The following TRA2A variants were observed in gnomAD, a reference collection of about 807,000 sequenced individuals.
TRA2A encodes transformer 2 alpha homolog, also known as transformer-2 protein homolog alpha.
In TRA2A, 31 loss-of-function variants were observed where a neutral mutation model predicts 45.7. That is an observed-to-expected ratio of 0.68 (90% CI 0.51 to 0.92). The LOEUF (loss-of-function observed/expected upper bound fraction) is 0.92. Among genes scored for constraint, TRA2A ranks in the 40% least tolerant of loss-of-function variants. The probability of loss-of-function intolerance (pLI) is 0.00; values close to 1 mark genes in which losing one functional copy is unlikely to be tolerated. For synonymous variants in TRA2A, 132 were observed against 126.2 expected (o/e 1.05, Z -0.31); for missense variants, 304 against 367.5 (o/e 0.83, Z 1.41).
chr7:23,527,003 A>G (rs935678102), intron 1 of TRA2A, among the ~76,000 whole-genome samples: 1 of 152,302 alleles, frequency 6.6e-6, no homozygotes, highest in Middle Eastern at 3.4e-3. Flanking sequence ...AACGTGGTTC[A>G]TAAGTCTCAT....
intron 1 of TRA2A, among the ~76,000 whole-genome samples, chr7:23,530,350 T>C (rs185632872): frequency 1.1e-4 from 17 of 152,360 alleles, no homozygotes; most frequent in African/African-American, 3.6e-4. Flanking sequence ...GTAACTATTA[T>C]AGTCTATTGC....
At chr7:23,522,556 T>TAAA (rs35027244) in intron 1 of TRA2A, 3 of 134,492 alleles carry the variant, frequency 2.2e-5, no homozygotes, top group East Asian at 2.2e-4. Flanking sequence ...CTAGTTTATT[T>TAAA]AAAAAAAAAA....
chr7:23,513,410 G>A (rs547329370), intron 3 of TRA2A, among the ~76,000 whole-genome samples: 10 of 152,220 alleles, frequency 6.6e-5, no homozygotes, highest in Non-Finnish European at 1.2e-4. Context: ...CTGAGGTTAG[G>A]AGTTCGAGAC....
rs149753011 is a variant in TRA2A, at chr7:23,507,225, G to C, written c.641+195C>G. On this transcript the variant is annotated intron_variant, in intron 5 of 7. Coordinates refer to ENST00000297071, the MANE Select transcript of TRA2A (RefSeq NM_013293.5). ...AAGTGATTCCTGTGCCTCAGCTCCC[G>C]AGCAGCTGGGATTACAGGCATGTGC... The C allele has an allele frequency of 1.5e-4, 81 of 535,848 alleles. 1 individual carries two copies. Among genetic ancestry groups the C allele is most frequent in the Middle Eastern group, 1.0e-3 (2 of 2,000 alleles). 33.2% of individuals were successfully genotyped at this position (535,848 alleles called of 1,614,324 possible).
intron 4 of TRA2A, among the ~76,000 whole-genome samples, chr7:23,511,640 T>C (rs1445473183): frequency 1.3e-5 from 2 of 151,960 alleles, no homozygotes; most frequent in Non-Finnish European, 2.9e-5. Context: ...TTCTAGCACC[T>C]TGGGAAGCCA....
rs1260963766 is a variant in TRA2A, at chr7:23,531,910, G to A, written c.-86C>T. On this transcript the variant is annotated 5_prime_UTR_variant, in exon 1 of 8. Transcript: ENST00000297071. ...CTAATTAACCCGCTGACTGGACCGT[G>A]GGGAAGAGGAAAGAGTCGGCAACCA... The A allele has an allele frequency of 6.7e-7, 1 of 1,493,394 alleles. No individual in the cohort carries two copies. The highest frequency in any genetic ancestry group is 1.1e-5 in the South Asian group (1 of 87,926). The allele number at this position is 1,493,394 out of a possible 1,614,324, so 92.5% of individuals were successfully genotyped here. A position where few individuals can be genotyped will look rare whatever the true frequency, so the allele number is the denominator to read the frequency against.
chr7:23,505,698 T>A, intron 7 of TRA2A, 48 bp downstream of exon 7: 1 of 1,245,640 alleles, frequency 8.0e-7, no homozygotes, highest in Non-Finnish European at 1.1e-6. Flanking sequence ...AAGTAAGCCA[T>A]TAATTAGAAA....
At position 23,505,418 on chromosome 7, in the gene TRA2A, G is replaced by A. The variant is rs528512616; in HGVS notation, c.*141C>T. 576 of 488,486 alleles carry A rather than the reference G, an allele frequency of 1.2e-3. 2 individuals carry two copies. The highest frequency in any genetic ancestry group is 1.9e-3 in the Non-Finnish European group (512 of 276,624). 30.3% of individuals were successfully genotyped at this position (488,486 alleles called of 1,614,324 possible). A position where few individuals can be genotyped will look rare whatever the true frequency, so the allele number is the denominator to read the frequency against. ...ATGGGTGGAAAACAGCAACACAACT[G>A]ACAAAAGTGTAGATGCTAAATAAAC... On this transcript the variant is annotated 3_prime_UTR_variant, in exon 8 of 8. Coordinates refer to ENST00000297071, the MANE Select transcript of TRA2A (RefSeq NM_013293.5).
At chr7:23,519,861 AG>A (rs1790054232) in intron 2 of TRA2A, among the ~76,000 whole-genome samples, 1 of 152,244 alleles carries the variant, frequency 6.6e-6, no homozygotes, top group African/African-American at 2.4e-5. Context: ...TTTAAAATGA[AG>A]AAAAAAAAGT....
At chr7:23,510,519 G>A (rs1001196329) in intron 4 of TRA2A, among the ~76,000 whole-genome samples, 6 of 151,902 alleles carry the variant, frequency 3.9e-5, no homozygotes, top group Admixed American at 2.0e-4. Context: ...TAGCAGATGG[G>A]GTTTCACCCT....
At chr7:23,526,550 A>C (rs1455262991) in intron 1 of TRA2A, among the ~76,000 whole-genome samples, 1 of 152,238 alleles carries the variant, frequency 6.6e-6, no homozygotes, top group Non-Finnish European at 1.5e-5. Context: ...GAACTTCTTT[A>C]GGAGTTGTAA....
intron 2 of TRA2A, among the ~76,000 whole-genome samples, chr7:23,517,764 T>C (rs1789952548): frequency 6.6e-6 from 1 of 150,778 alleles, no homozygotes; most frequent in South Asian, 2.1e-4. Flanking sequence ...ATACAAAAAT[T>C]AGCTGGGCGT....
intron 1 of TRA2A, among the ~76,000 whole-genome samples, chr7:23,526,793 T>G (rs1396358951): frequency 1.3e-5 from 2 of 152,214 alleles, no homozygotes; most frequent in Non-Finnish European, 2.9e-5. Context: ...GCCTATATGC[T>G]GCATTCTGAA....
At chr7:23,524,412 G>A (rs535176385) in intron 1 of TRA2A, among the ~76,000 whole-genome samples, 1 of 152,220 alleles carries the variant, frequency 6.6e-6, no homozygotes, top group South Asian at 2.1e-4. Flanking sequence ...TCAAACTCCT[G>A]ACCTCTAGTG....
chr7:23,506,869 G>A (rs972835017), intron 5 of TRA2A, among the ~76,000 whole-genome samples: 2 of 152,094 alleles, frequency 1.3e-5, no homozygotes, highest in Non-Finnish European at 2.9e-5. Flanking sequence ...CCTGCCTCCG[G>A]GGTTCATGCC....
chr7:23,522,232 G>A, intron 1 of TRA2A: 1 of 1,105,378 alleles, frequency 9.0e-7, no homozygotes, highest in Non-Finnish European at 1.1e-6. Context: ...CATACTTCGT[G>A]TATTCTTCCC....
intron 5 of TRA2A, among the ~76,000 whole-genome samples, chr7:23,506,815 G>A (rs759232550): frequency 2.0e-4 from 31 of 152,178 alleles, no homozygotes; most frequent in Non-Finnish European, 3.2e-4. Flanking sequence ...TTGCTCTGTC[G>A]CCCAGGCTGG....
At chr7:23,511,426 GAA>G (rs1403295927) in intron 4 of TRA2A, among the ~76,000 whole-genome samples, 27 of 94,406 alleles carry the variant, frequency 2.9e-4, no homozygotes, top group African/African-American at 8.6e-4. Context: ...GAAAAGAAAA[GAA>G]AAACACCCTG....
At chr7:23,513,908 A>T (rs765767734) in intron 3 of TRA2A, among the ~76,000 whole-genome samples, 1 of 152,110 alleles carries the variant, frequency 6.6e-6, no homozygotes, top group Non-Finnish European at 1.5e-5. Flanking sequence ...TAATTTGTGG[A>T]ATGTTGAGAA....
Sources: allele counts gnomAD v4.1 joint callset (sites outside exome capture counted in the v4.1 genomes callset), GRCh38; gene constraint gnomAD v4.1.1; transcripts MANE v1.5; gene names NCBI Gene and HGNC (gene_info 2026-07-23, HGNC 2026-07-21).